The following DOK6 variants were observed in gnomAD, a reference collection of about 807,000 sequenced individuals.
DOK6 encodes docking protein 6.
Under a neutral mutation model 44.0 loss-of-function variants are expected in DOK6, and 22 were observed. The ratio of observed to expected loss-of-function variants is 0.50; its 90% CI spans 0.36 to 0.71. DOK6 has a LOEUF of 0.71. DOK6 is among the 30% of genes least tolerant of loss of function. The pLI is 0.00. For missense variants in DOK6, 340 were observed against 416.4 expected, an observed-to-expected ratio of 0.82 and a Z score of 1.60; for synonymous variants, 166 against 145.5, an observed-to-expected ratio of 1.14 and a Z score of -1.01.
chr18:69,437,432 G>GT (rs1180719737), intron 1 of DOK6, among the ~76,000 whole-genome samples: 3 of 152,040 alleles, frequency 2.0e-5, no homozygotes, highest in Admixed American at 6.6e-5. Context: ...CCCATTGCTG[G>GT]TTTTTTGTCA....
At chr18:69,617,446 G>A (rs1984315453) in intron 3 of DOK6, among the ~76,000 whole-genome samples, 1 of 147,418 alleles carries the variant, frequency 6.8e-6, no homozygotes, top group Non-Finnish European at 1.5e-5. Context: ...GGGAGGGAGA[G>A]AGGGAGGAAG....
intron 7 of DOK6, among the ~76,000 whole-genome samples, chr18:69,821,080 C>G (rs1217443073): frequency 1.3e-5 from 2 of 152,064 alleles, no homozygotes; most frequent in Non-Finnish European, 1.5e-5. Context: ...TATTCATTGT[C>G]CATTCCTTGA....
intron 2 of DOK6, among the ~76,000 whole-genome samples, chr18:69,568,019 G>A (rs1983026523): frequency 6.6e-6 from 1 of 152,186 alleles, no homozygotes; most frequent in African/African-American, 2.4e-5. Context: ...AGCCCAAGCT[G>A]GTTTCTGGCT....
chr18:69,426,966 G>A (rs542000873), intron 1 of DOK6, among the ~76,000 whole-genome samples: 29 of 152,214 alleles, frequency 1.9e-4, no homozygotes, highest in African/African-American at 6.7e-4. Flanking sequence ...GTGCCCATCA[G>A]TTATTTTTCC....
Position 69,401,378 on chromosome 18 carries a change from G to C in DOK6, c.66+68G>C, listed in dbSNP as rs955904265. On this transcript the variant is annotated intron_variant, in intron 1 of 7. Coordinates refer to ENST00000382713, the MANE Select transcript of DOK6 (RefSeq NM_152721.6). ...GGCCCGGCTGGCTGCCTGGGGGGGG[G>C]GCAGGGAGAGGTGACCCGTGCGGGT... 2.7e-5 allele frequency: 38 copies of C among 1,412,300 alleles called. No individual in the cohort carries two copies. In the Admixed American group the frequency reaches 2.8e-4, roughly 10 times the overall value. 87.5% of individuals were successfully genotyped at this position (1,412,300 alleles called of 1,614,324 possible).
At chr18:69,820,107 T>C (rs187854394) in intron 7 of DOK6, among the ~76,000 whole-genome samples, 3 of 152,326 alleles carry the variant, frequency 2.0e-5, no homozygotes, top group African/African-American at 7.2e-5. Context: ...TATATAGACA[T>C]ATAGTGTGTA....
At chr18:69,753,696 T>C (rs1343486403) in intron 6 of DOK6, among the ~76,000 whole-genome samples, 1 of 152,238 alleles carries the variant, frequency 6.6e-6, no homozygotes, top group East Asian at 1.9e-4. Context: ...TCTGTATGTA[T>C]GCCAGAGCAT....
At chr18:69,725,014 T>C (rs1978299048) in intron 5 of DOK6, 1 of 152,230 alleles carries the variant, frequency 6.6e-6, no homozygotes, top group African/African-American at 2.4e-5. Context: ...CAAAACTCTT[T>C]CTGTATAAAT....
At chr18:69,402,762 G>C (rs925774795) in intron 1 of DOK6, among the ~76,000 whole-genome samples, 1 of 152,224 alleles carries the variant, frequency 6.6e-6, no homozygotes, top group African/African-American at 2.4e-5. Flanking sequence ...GTGCGCTGCC[G>C]TGAGCCCCAC....
intron 7 of DOK6, among the ~76,000 whole-genome samples, chr18:69,791,471 A>G (rs1980594657): frequency 6.6e-6 from 1 of 152,088 alleles, no homozygotes; most frequent in African/African-American, 2.4e-5. Flanking sequence ...TGATACCTCA[A>G]TGTAGTTTTA....
At chr18:69,493,485 G>C (rs1208060606) in intron 1 of DOK6, among the ~76,000 whole-genome samples, 1 of 151,772 alleles carries the variant, frequency 6.6e-6, no homozygotes, top group Non-Finnish European at 1.5e-5. Context: ...CACAAACTCT[G>C]GGAGTGGAAC....
chr18:69,679,952 ACAC>A (rs1986008332), intron 4 of DOK6, among the ~76,000 whole-genome samples: 2 of 152,306 alleles, frequency 1.3e-5, no homozygotes, highest in African/African-American at 2.4e-5. Flanking sequence ...ACACACACAC[ACAC>A]AACACACATA....
intron 1 of DOK6, among the ~76,000 whole-genome samples, chr18:69,472,167 G>A (rs571550516): frequency 1.3e-5 from 2 of 152,134 alleles, no homozygotes; most frequent in Admixed American, 6.5e-5. Flanking sequence ...TCTTATTTAC[G>A]AAAAGCCAGA....
chr18:69,413,904 A>G (rs567159937), intron 1 of DOK6, among the ~76,000 whole-genome samples: 12 of 151,850 alleles, frequency 7.9e-5, no homozygotes, highest in Non-Finnish European at 1.3e-4. Flanking sequence ...TTTTTAAAAA[A>G]CCATAATTCA....
chr18:69,569,101 G>A (rs772127011), intron 2 of DOK6, among the ~76,000 whole-genome samples: 3 of 151,928 alleles, frequency 2.0e-5, no homozygotes, highest in Non-Finnish European at 2.9e-5. Flanking sequence ...ACCTGTCCCT[G>A]GTGCCAAACA....
chr18:69,610,184 TAAGA>T, intron 3 of DOK6, among the ~76,000 whole-genome samples: 1 of 152,262 alleles, frequency 6.6e-6, no homozygotes, highest in Admixed American at 6.5e-5. Flanking sequence ...AATAAAATTT[TAAGA>T]AAGGGGAAAA....
chr18:69,716,118 A>G (rs1366665867), intron 5 of DOK6, among the ~76,000 whole-genome samples: 1 of 152,190 alleles, frequency 6.6e-6, no homozygotes, highest in Non-Finnish European at 1.5e-5. Context: ...ATTTTCTCCA[A>G]TCGTGCTAAG....
intron 3 of DOK6, among the ~76,000 whole-genome samples, chr18:69,650,248 G>A (rs1374974630): frequency 6.6e-6 from 1 of 152,168 alleles, no homozygotes; most frequent in African/African-American, 2.4e-5. Flanking sequence ...AGGATGCAGG[G>A]AATACTACTG....
chr18:69,843,057 T>C lies in DOK6; in HGVS notation c.*1674T>C, dbSNP rs1028607061. The C allele has an allele frequency of 6.6e-6, 1 of 152,190 alleles. No homozygotes were observed. Among genetic ancestry groups the C allele is most frequent in the Non-Finnish European group, 1.5e-5 (1 of 68,040 alleles). The allele number at this position is 152,190 out of a possible 1,614,324, so 9.4% of individuals were successfully genotyped here. A position where few individuals can be genotyped will look rare whatever the true frequency, so the allele number is the denominator to read the frequency against. ...TGAATTACTACCGAATAAAAGTGGT[T>C]CCGGATCCCTCCTAGATAAATGTGC... On this transcript the variant is annotated 3_prime_UTR_variant, in exon 8 of 8. Transcript: ENST00000382713.
Sources: gnomAD v4.1 joint callset for allele counts (sites outside exome capture counted in the v4.1 genomes callset) on GRCh38, gnomAD v4.1.1 for gene constraint, MANE v1.5 for transcripts, NCBI Gene and HGNC (gene_info 2026-07-23, HGNC 2026-07-21) for gene names.